BAG3: variants seen among roughly 807,000 people sequenced by gnomAD.
The protein encoded by BAG3 is BAG cochaperone 3.
Under a neutral mutation model 40.5 loss-of-function variants are expected in BAG3, and 14 were observed. The observed-to-expected ratio is 0.35, with a 90% CI of 0.23 to 0.54. The LOEUF is 0.54. BAG3 is among the 20% of genes least tolerant of loss of function. BAG3 has a pLI of 0.91. For synonymous variants in BAG3, 302 were observed against 307.8 expected (o/e 0.98, Z 0.20); for missense variants, 788 against 758.6 (o/e 1.04, Z -0.46).
At chr10:119,669,720 G>A (rs1201184237) in intron 1 of BAG3, 131 bp from the exon 2 acceptor site, 1 of 935,272 alleles carries the variant, frequency 1.1e-6, no homozygotes, top group Admixed American at 1.9e-5. Flanking sequence ...CAGGGGCTGG[G>A]AGCTGGCTGA....
At chr10:119,659,207 C>T (rs1439038575) in intron 1 of BAG3, among the ~76,000 whole-genome samples, 3 of 152,212 alleles carry the variant, frequency 2.0e-5, no homozygotes, top group Non-Finnish European at 2.9e-5. Flanking sequence ...CTGCGCCATG[C>T]GTCCATAGAT....
At chr10:119,662,191 GC>G (rs767451743) in intron 1 of BAG3, among the ~76,000 whole-genome samples, 31 of 146,946 alleles carry the variant, frequency 2.1e-4, no homozygotes, top group Admixed American at 4.1e-4. Context: ...GGGATTGCAG[GC>G]CCCCGCCACC....
rs1229267488 is a variant in BAG3 at position 119,651,818 on chromosome 10, C to T, written c.143C>T (p.Thr48Met). Residue 48 changes from threonine (T) to methionine (M), a missense_variant, in exon 1 of 4, where the codon ACG becomes ATG. Thr to Met is a moderately conservative substitution (Grantham distance 81). Transcript: ENST00000369085. Reference protein sequence around the residue: ...FFVDHNSRTTTWNDPRVPSEG... With the variant: ...FFVDHNSRTTMWNDPRVPSEG... ...GTGGACCACAACAGCCGCACCACTA[C>T]GTGGAACGACCCGCGCGTGCCCTCT... The T allele has an allele frequency of 1.3e-6, 2 of 1,593,330 alleles. No homozygotes were observed. Among genetic ancestry groups the T allele is most frequent in the East Asian group, 2.3e-5 (1 of 42,984 alleles).
intron 1 of BAG3, among the ~76,000 whole-genome samples, chr10:119,667,327 T>C (rs1022554751): frequency 6.6e-6 from 1 of 152,314 alleles, no homozygotes; most frequent in African/African-American, 2.4e-5. Flanking sequence ...AAAAGCATAA[T>C]TTTGTGCGTA....
In BAG3 at chr10:119,672,298, C is replaced by T. The variant is rs1450366653; in HGVS notation, c.551C>T (p.Ser184Phe). The T allele has an allele frequency of 3.1e-6, 5 of 1,613,982 alleles. No individual in the cohort carries two copies. Among genetic ancestry groups the T allele is most frequent in the Admixed American group, 1.7e-5 (1 of 60,030 alleles). Residue 184 changes from serine (S) to phenylalanine (F), a missense_variant, in exon 3 of 4, where the codon TCC (serine) becomes TTC (phenylalanine). Ser to Phe is a radical substitution (Grantham distance 155, BLOSUM62 -2). Coordinates refer to ENST00000369085, the MANE Select transcript of BAG3 (RefSeq NM_004281.4). The surrounding 1 kb of genome is among the most constrained non-coding windows in gnomAD (Gnocchi z 4.8). ...GCCTCTGACTGCTCATCCTCATCCT[C>T]CTCGGCCAGCCTGCCTTCCTCCGGC... ...PAASDCSSSS[S>F]SASLPSSGRS...
At chr10:119,661,629 A>T (rs1169516255) in intron 1 of BAG3, among the ~76,000 whole-genome samples, 1 of 152,122 alleles carries the variant, frequency 6.6e-6, no homozygotes, top group African/African-American at 2.4e-5. Context: ...ATTCCAGGAT[A>T]AAATGTATAT....
intron 1 of BAG3, among the ~76,000 whole-genome samples, chr10:119,664,954 T>C (rs1320163840): frequency 6.6e-6 from 1 of 151,824 alleles, no homozygotes; most frequent in Non-Finnish European, 1.5e-5. Context: ...GTTTCACTCT[T>C]GTAGCCCAGG....
Position 119,672,715 on chromosome 10 carries a change from A to C in BAG3, c.909+59A>C. The C allele has an allele frequency of 6.2e-7, 1 of 1,602,250 alleles. No homozygotes were observed. Among genetic ancestry groups the C allele is most frequent in the Non-Finnish European group, 8.5e-7 (1 of 1,179,260 alleles). On this transcript the variant is annotated intron_variant, in intron 3 of 3. Coordinates refer to ENST00000369085, the MANE Select transcript of BAG3 (RefSeq NM_004281.4). The surrounding 1 kb of genome is among the most constrained non-coding windows in gnomAD (Gnocchi z 4.8). ...GGTGGTATGTCTCCAGGGGTGCAGGAGCTCTGTGGGTGCCCTGGGTTCCCC... is the reference window on the plus strand; with the variant it reads ...GGTGGTATGTCTCCAGGGGTGCAGGCGCTCTGTGGGTGCCCTGGGTTCCCC...
In BAG3 at chr10:119,673,995, A is replaced by ACACAGCC. The variant is rs371809013; in HGVS notation, c.909+1341_909+1342insCAGCCCA. Among the ~76,000 whole-genome samples the ACACAGCC allele has an allele frequency of 3.1e-3, 467 of 152,352 alleles. 2 individuals carry two copies. The highest frequency in any genetic ancestry group is 0.01 in the African/African-American group (426 of 41,582). On this transcript the variant is annotated intron_variant, in intron 3 of 3. Transcript: ENST00000369085. ...CATTCTTACAACATTATTATCCAGTACATTTTTGAATCTTTTTTATAGCAG... is the reference window on the plus strand; with the variant it reads ...CATTCTTACAACATTATTATCCAGTACACAGCCCATTTTTGAATCTTTTTTATAGCAG...
At chr10:119,675,624 T>C (rs1312571602) in intron 3 of BAG3, among the ~76,000 whole-genome samples, 4 of 152,052 alleles carry the variant, frequency 2.6e-5, no homozygotes, top group African/African-American at 9.7e-5. Context: ...GTCTGCACAG[T>C]GTAAGGAAGA....
rs111370629 is a variant in BAG3, at chr10:119,666,729, G to C, written c.181-3122G>C. Among the ~76,000 whole-genome samples the C allele has an allele frequency of 9.3e-3, 1,217 of 131,162 alleles. 20 individuals are homozygous for C. Among genetic ancestry groups the C allele is most frequent in the African/African-American group, 0.033 (1,176 of 35,596 alleles). 86.0% of individuals were successfully genotyped at this position (131,162 alleles called of 152,430 possible). ...AGCCCTGGAAGGGTCTGGCTATAAG[G>C]GGTTGGGATCAGCAGCTCTCCCAGT... is the stretch of plus-strand genomic sequence containing the variant. On this transcript the variant is annotated intron_variant, in intron 1 of 3. Transcript: ENST00000369085.
rs138078305 is a variant in BAG3 at position 119,672,392 on chromosome 10, C to T, written c.645C>T (p.Asn215=). The T allele has an allele frequency of 1.5e-4, 247 of 1,614,036 alleles. No individual in the cohort carries two copies. Among genetic ancestry groups the T allele is most frequent in the Non-Finnish European group, 1.7e-4 (204 of 1,180,030 alleles). The change falls in exon 3 of 4, where the codon AAC becomes AAT. Residue 215 remains asparagine, a synonymous_variant. Coordinates refer to ENST00000369085, the MANE Select transcript of BAG3 (RefSeq NM_004281.4). The surrounding 1 kb of genome is among the most constrained non-coding windows in gnomAD (Gnocchi z 4.8). ...CCATTCCGGTGATACACGAGCAGAA[C>T]GTTACCCGGCCAGCAGCCCAGCCCT... is the stretch of plus-strand genomic sequence containing the variant. ...YISIPVIHEQ[N]VTRPAAQPSF... is the part of the protein sequence containing the mutation.
chr10:119,651,712 G>T lies in BAG3; in HGVS notation c.37G>T (p.Ala13Ser). Reference protein sequence around the residue: ...AATHSPMMQVASGNGDRDPLP... With the variant: ...AATHSPMMQVSSGNGDRDPLP... Reference sequence around the variant, plus strand: ...CACCCACTCGCCCATGATGCAGGTGGCGTCCGGCAACGGTGACCGCGACCC... The same window carrying T: ...CACCCACTCGCCCATGATGCAGGTGTCGTCCGGCAACGGTGACCGCGACCC... The change falls in exon 1 of 4, where the codon GCG (alanine) becomes TCG (serine). Residue 13 changes from alanine to serine, a missense_variant. Coordinates refer to ENST00000369085, the MANE Select transcript of BAG3 (RefSeq NM_004281.4). 2 of 1,595,052 alleles carry T rather than the reference G, an allele frequency of 1.3e-6. No individual in the cohort carries two copies. Among genetic ancestry groups the T allele is most frequent in the Non-Finnish European group, 1.7e-6 (2 of 1,171,630 alleles).
At position 119,659,160 on chromosome 10, in the gene BAG3, G is replaced by T. The variant is rs552421315; in HGVS notation, c.180+7305G>T. Among the ~76,000 whole-genome samples, 3 of 152,342 alleles carry T rather than the reference G, an allele frequency of 2.0e-5. No individual in the cohort carries two copies. In the South Asian group the frequency reaches 6.2e-4, roughly 32 times the overall value. The stretch of plus-strand genomic sequence containing the variant: ...TAAAGGAACAGTAACAGATGAAGCT[G>T]CGGGGCCTTCGGGAGCCTTGACCCA... On this transcript the variant is annotated intron_variant, in intron 1 of 3. Transcript: ENST00000369085.
intron 1 of BAG3, among the ~76,000 whole-genome samples, chr10:119,652,061 C>T (rs1846850222): frequency 6.6e-6 from 1 of 152,036 alleles, no homozygotes; most frequent in African/African-American, 2.4e-5. Flanking sequence ...TGACAGGCGT[C>T]GGGGCGAAAG....
intron 1 of BAG3, among the ~76,000 whole-genome samples, chr10:119,663,296 G>GT (rs755368328): frequency 1.6e-4 from 23 of 145,124 alleles, no homozygotes; most frequent in Non-Finnish European, 3.0e-4. Flanking sequence ...TTTTGGTTTT[G>GT]TTTTTTTGTT....
intron 1 of BAG3, among the ~76,000 whole-genome samples, chr10:119,665,092 T>TGTGTGTGTGTGTGTGTGTG (rs34372634): frequency 3.6e-4 from 32 of 87,994 alleles, no homozygotes; most frequent in East Asian, 5.2e-4. Flanking sequence ...TAATTTTTGT[T>TGTGTGTGTGTGTGTGTGTG]TGTGTGTGTG....
At chr10:119,655,685 T>C (rs1181325639) in intron 1 of BAG3, among the ~76,000 whole-genome samples, 3 of 152,160 alleles carry the variant, frequency 2.0e-5, no homozygotes. Context: ...TGCGACTGCA[T>C]GAAAGTGATT....
chr10:119,672,771 C>G lies in BAG3; in HGVS notation c.909+115C>G, dbSNP rs951537401. On this transcript the variant is annotated intron_variant, in intron 3 of 3. Transcript: ENST00000369085. The surrounding 1 kb of genome is among the most constrained non-coding windows in gnomAD (Gnocchi z 4.8). ...TCCCTGCCTATTTAACATGCGTGTA[C>G]CTACAGGCAAGTGAGATTCGAGAAA... 3 of 1,410,562 alleles carry G rather than the reference C, an allele frequency of 2.1e-6. No individual in the cohort carries two copies. Among genetic ancestry groups the G allele is most frequent in the Non-Finnish European group, 2.9e-6 (3 of 1,020,498 alleles). The allele number at this position is 1,410,562 out of a possible 1,614,324, so 87.4% of individuals were successfully genotyped here. A position where few individuals can be genotyped will look rare whatever the true frequency, so the allele number is the denominator to read the frequency against.
Sources: allele counts gnomAD v4.1 joint callset (sites outside exome capture counted in the v4.1 genomes callset), GRCh38; gene constraint gnomAD v4.1.1; non-coding constraint Gnocchi (gnomAD v3.1); transcripts MANE v1.5; gene names NCBI Gene and HGNC (gene_info 2026-07-23, HGNC 2026-07-21).